Variants in IL21 observed in about 807,000 individuals in gnomAD.
IL21 encodes interleukin-21.
A neutral mutation model predicts 18.4 loss-of-function variants in IL21; 3 were observed. That is an observed-to-expected ratio of 0.16 (90% CI 0.07 to 0.42). The LOEUF is 0.42. Ranked by LOEUF, IL21 falls within the 10% of genes least tolerant of loss-of-function variation. IL21 has a pLI of 0.99. For missense variants in IL21, 130 were observed against 188.4 expected (o/e 0.69, Z 1.81); for synonymous variants, 37 against 62.0 (o/e 0.60, Z 1.90).
intron 2 of IL21, among the ~76,000 whole-genome samples, chr4:122,618,804 C>CA (rs1158779760): frequency 0.16 from 5,152 of 32,394 alleles, 1,015 homozygotes; most frequent in South Asian, 0.28. Context: ...GACTCCGTCT[C>CA]AAAAAAAAAA....
chr4:122,611,354 A>G lies in IL21; in HGVS notation c.*1356T>C, dbSNP rs1425755703. Among the ~76,000 whole-genome samples, 1 of 152,142 alleles carries G rather than the reference A, an allele frequency of 6.6e-6. No homozygotes were observed. The highest frequency in any genetic ancestry group is 2.4e-5 in the African/African-American group (1 of 41,440). On this transcript the variant is annotated 3_prime_UTR_variant, in exon 5 of 5. Transcript: ENST00000648588. ...GATTTGATTAAATAATTCTCAATATATCTTTTAGAACTGTAGGTTAAGTCT... is the reference window on the plus strand; with the variant it reads ...GATTTGATTAAATAATTCTCAATATGTCTTTTAGAACTGTAGGTTAAGTCT...
chr4:122,614,431 G>T (rs1171856975), intron 3 of IL21, among the ~76,000 whole-genome samples: 2 of 148,672 alleles, frequency 1.3e-5, no homozygotes, highest in African/African-American at 5.0e-5. Flanking sequence ...TTGAGGCTGG[G>T]TGCGATGGCT....
chr4:122,615,593 C>T, intron 3 of IL21, 89 bp downstream of exon 3: 2 of 1,209,382 alleles, frequency 1.7e-6, no homozygotes, highest in Non-Finnish European at 2.3e-6. Flanking sequence ...CACCAGCAGC[C>T]CTGGCTACAG....
In IL21 at chr4:122,611,650, T is replaced by A. The variant is rs576912677; in HGVS notation, c.*1060A>T. Among the ~76,000 whole-genome samples, 8 of 152,328 alleles carry A rather than the reference T, an allele frequency of 5.3e-5. No individual in the cohort carries two copies. Among genetic ancestry groups the A allele is most frequent in the Non-Finnish European group, 1.0e-4 (7 of 68,008 alleles). On this transcript the variant is annotated 3_prime_UTR_variant, in exon 5 of 5. Coordinates refer to ENST00000648588, the MANE Select transcript of IL21 (RefSeq NM_021803.4). ...GCTTATGCGAAAGTCTGTTTTCAAC[T>A]TGGACAGGAGTCCTGGCCTCTTGGT...
intron 2 of IL21, among the ~76,000 whole-genome samples, chr4:122,616,742 A>T (rs867410533): frequency 3.3e-5 from 5 of 152,372 alleles, no homozygotes; most frequent in Middle Eastern, 3.4e-3. Context: ...AATTTACTGG[A>T]AAAACCAAAC....
chr4:122,613,676 A>T (rs1417256101), intron 3 of IL21, among the ~76,000 whole-genome samples: 1 of 151,998 alleles, frequency 6.6e-6, no homozygotes, highest in Non-Finnish European at 1.5e-5. Flanking sequence ...ATTTTTGTCT[A>T]CATTACTCCA....
Position 122,611,699 on chromosome 4 carries a change from A to G in IL21, c.*1011T>C, listed in dbSNP as rs527902875. Among the ~76,000 whole-genome samples, 4 of 152,296 alleles carry G rather than the reference A, an allele frequency of 2.6e-5. No homozygotes were observed. Among genetic ancestry groups the G allele is most frequent in the Admixed American group, 2.0e-4 (3 of 15,298 alleles). ...GTTTGTCTCCTGATTTTTAAATTAT[A>G]TAGGTGATTGAATTTGTCTTATCCA... is the stretch of plus-strand genomic sequence containing the variant. On this transcript the variant is annotated 3_prime_UTR_variant, in exon 5 of 5. Coordinates refer to ENST00000648588, the MANE Select transcript of IL21 (RefSeq NM_021803.4).
intron 2 of IL21, among the ~76,000 whole-genome samples, chr4:122,616,161 T>C (rs1050740490): frequency 3.9e-5 from 6 of 152,240 alleles, no homozygotes; most frequent in African/African-American, 9.6e-5. Flanking sequence ...TTAGGACACA[T>C]TTGCTGAGTT....
chr4:122,615,309 C>G (rs962752661), intron 3 of IL21, among the ~76,000 whole-genome samples: 1 of 152,162 alleles, frequency 6.6e-6, no homozygotes, highest in East Asian at 1.9e-4. Context: ...ATCACGGGGT[C>G]AGGAGATCGA....
chr4:122,617,042 C>G (rs1209370862), intron 2 of IL21, among the ~76,000 whole-genome samples: 2 of 152,122 alleles, frequency 1.3e-5, no homozygotes, highest in South Asian at 2.1e-4. Context: ...ATTTTCCAAC[C>G]CATATGCTTA....
chr4:122,612,343 G>T lies in IL21; in HGVS notation c.*367C>A, dbSNP rs986104826. ...TTCTATATTATCAGCTGGAATGAAG[G>T]TATATATGTTTTAAGTTATGATCAT... On this transcript the variant is annotated 3_prime_UTR_variant, in exon 5 of 5. Coordinates refer to ENST00000648588, the MANE Select transcript of IL21 (RefSeq NM_021803.4). 8.6e-5 allele frequency among the ~76,000 whole-genome samples: 13 copies of T among 151,880 alleles called. No homozygotes were observed. Among genetic ancestry groups the T allele is most frequent in the Admixed American group, 8.5e-4 (13 of 15,238 alleles).
At chr4:122,615,858 A>G (rs369186905) in intron 2 of IL21, 21 bp from the exon 3 acceptor site, 48 of 1,583,136 alleles carry the variant, frequency 3.0e-5, no homozygotes, top group Middle Eastern at 2.1e-4. Context: ...AACAATTTGT[A>G]TATATGTTAA....
rs2150684677 is a variant in IL21, at chr4:122,612,600, T to C, written c.*110A>G. The C allele has an allele frequency of 1.3e-6, 1 of 771,822 alleles. No individual in the cohort carries two copies. The highest frequency in any genetic ancestry group is 2.2e-6 in the Non-Finnish European group (1 of 456,222). The allele number at this position is 771,822 out of a possible 1,614,324, so 47.8% of individuals were successfully genotyped here. A position where few individuals can be genotyped will look rare whatever the true frequency, so the allele number is the denominator to read the frequency against. ...ATCCTGACTTTGCACACTTATGAGT[T>C]TTTTTTTCCCATCGCTAATATATTG... On this transcript the variant is annotated 3_prime_UTR_variant, in exon 5 of 5. Coordinates refer to ENST00000648588, the MANE Select transcript of IL21 (RefSeq NM_021803.4).
chr4:122,615,532 A>G lies in IL21; in HGVS notation c.360+150T>C. The G allele has an allele frequency of 3.3e-5, 10 of 306,554 alleles. 2 individuals are homozygous for G. Among genetic ancestry groups the G allele is most frequent in the South Asian group, 2.0e-4 (2 of 9,986 alleles). The allele number at this position is 306,554 out of a possible 1,614,324, so 19.0% of individuals were successfully genotyped here. Reference sequence around the variant, plus strand: ...GACAGAGTGAGACTCTGTCTTAAAAAAAAAAAAAAAAGCACCATGTATAAT... The same window carrying G: ...GACAGAGTGAGACTCTGTCTTAAAAGAAAAAAAAAAAGCACCATGTATAAT... On this transcript the variant is annotated intron_variant, in intron 3 of 4. Coordinates refer to ENST00000648588, the MANE Select transcript of IL21 (RefSeq NM_021803.4).
At position 122,612,567 on chromosome 4, in the gene IL21, G is replaced by A. The variant is rs17886706; in HGVS notation, c.*143C>T. The A allele has an allele frequency of 1.5e-3, 944 of 618,350 alleles. 6 individuals carry two copies. The African/African-American group carries it at 0.016, about 10-fold the overall frequency. 38.3% of individuals were successfully genotyped at this position (618,350 alleles called of 1,614,324 possible). ...ATCAGACTATTGTATAGTGATTATG[G>A]GGAAATAATCCTGACTTTGCACACT... On this transcript the variant is annotated 3_prime_UTR_variant, in exon 5 of 5. Transcript: ENST00000648588.
intron 3 of IL21, among the ~76,000 whole-genome samples, 176 bp from the exon 4 acceptor site, chr4:122,613,104 G>C (rs1799285256): frequency 6.6e-6 from 1 of 152,032 alleles, no homozygotes; most frequent in Admixed American, 6.5e-5. Flanking sequence ...CATTCCCAGA[G>C]ATAGGAATCC....
chr4:122,613,553 T>C (rs1799293451), intron 3 of IL21, among the ~76,000 whole-genome samples: 1 of 152,064 alleles, frequency 6.6e-6, no homozygotes, highest in Non-Finnish European at 1.5e-5. Flanking sequence ...GGTTTCACCA[T>C]GTTGGCCAGG....
At position 122,620,972 on chromosome 4, in the gene IL21, A is replaced by C; in HGVS notation, c.40T>G (p.Cys14Gly). 6.2e-7 allele frequency: 1 copy of C among 1,614,056 alleles called. No homozygotes were observed. Among genetic ancestry groups the C allele is most frequent in the South Asian group, 1.1e-5 (1 of 91,078 alleles). ...SPGNMERIVI[C>G]LMVIFLGTLV... ...GTCCCCAAGAAGATGACCATCAGACAGATGACAATCCTCTCCATGTTGCCA... is the reference window on the plus strand; with the variant it reads ...GTCCCCAAGAAGATGACCATCAGACCGATGACAATCCTCTCCATGTTGCCA... The change falls in exon 1 of 5, where the codon TGT becomes GGT. Residue 14 changes from cysteine to glycine, a missense_variant. By Grantham distance (159) the Cys-to-Gly change is radical. Coordinates refer to ENST00000648588, the MANE Select transcript of IL21 (RefSeq NM_021803.4).
At chr4:122,619,440 T>C (rs1259240157) in intron 2 of IL21, 2 of 152,224 alleles carry the variant, frequency 1.3e-5, no homozygotes, top group Non-Finnish European at 2.9e-5. Context: ...AAAATATCTT[T>C]CATTAACAAC....
Sources: gnomAD v4.1 joint callset for allele counts (sites outside exome capture counted in the v4.1 genomes callset) on GRCh38, gnomAD v4.1.1 for gene constraint, MANE v1.5 for transcripts, NCBI Gene and HGNC (gene_info 2026-07-23, HGNC 2026-07-21) for gene names.